Variants in KIAA1210 observed in about 807,000 individuals in gnomAD.
KIAA1210 encodes acrosomal protein KIAA1210.
KIAA1210 carries 48 observed loss-of-function variants against 78.9 expected under a neutral mutation model. The observed-to-expected ratio is 0.61, with a 90% CI of 0.48 to 0.77. KIAA1210 has a LOEUF of 0.77. KIAA1210 is among the 30% of genes least tolerant of loss of function. The pLI, the probability that KIAA1210 is intolerant of heterozygous loss-of-function variation, is 0.00. For missense variants in KIAA1210, 1,108 were observed against 1,100.0 expected, an observed-to-expected ratio of 1.01 and a Z score of -0.10; for synonymous variants, 406 against 404.5, an observed-to-expected ratio of 1.00 and a Z score of -0.04.
chrX:119,138,510 C>T (rs147669911), intron 2 of KIAA1210, among the ~76,000 whole-genome samples: 407 of 111,579 alleles, frequency 3.6e-3, no homozygotes, highest in Non-Finnish European at 5.7e-3. Flanking sequence ...TGAGCCACTG[C>T]GCCAGGCCGA....
chrX:119,079,777 G>C lies in KIAA1210; in HGVS notation c.*1552C>G, dbSNP rs1306781436. 1 of 111,482 alleles carries C rather than the reference G, an allele frequency of 9.0e-6. No homozygotes were observed. The highest frequency in any genetic ancestry group is 1.9e-5 in the Non-Finnish European group (1 of 53,111). The allele number at this position is 111,482 out of a possible 1,213,427, so 9.2% of individuals were successfully genotyped here. A position where few individuals can be genotyped will look rare whatever the true frequency, so the allele number is the denominator to read the frequency against. On this transcript the variant is annotated 3_prime_UTR_variant, in exon 12 of 12. Coordinates refer to ENST00000691062, the MANE Select transcript of KIAA1210 (RefSeq NM_001394962.1). Reference sequence around the variant, plus strand: ...GGATGAGTGGGTCACTGGAAGGTAGGGTCTCTCCAGCCTAGTAACTTTTGA... The same window carrying C: ...GGATGAGTGGGTCACTGGAAGGTAGCGTCTCTCCAGCCTAGTAACTTTTGA...
Position 119,114,020 on chromosome X carries a change from A to G in KIAA1210, c.230+2476T>C, listed in dbSNP as rs187970839. Reference sequence around the variant, plus strand: ...GGGAGGGGTAGCAATGTTTAAAAACAGATAAAATAAACTTTAAAATGTTTA... The same window carrying G: ...GGGAGGGGTAGCAATGTTTAAAAACGGATAAAATAAACTTTAAAATGTTTA... On this transcript the variant is annotated intron_variant, in intron 3 of 11. Coordinates refer to ENST00000691062, the MANE Select transcript of KIAA1210 (RefSeq NM_001394962.1). Among the ~76,000 whole-genome samples the G allele has an allele frequency of 4.0e-3, 452 of 112,020 alleles. 3 individuals carry two copies. The highest frequency in any genetic ancestry group is 0.018 in the Middle Eastern group (4 of 217).
At chrX:119,143,407 T>C (rs1022143771) in intron 2 of KIAA1210, among the ~76,000 whole-genome samples, 3 of 112,131 alleles carry the variant, frequency 2.7e-5, no homozygotes, top group Admixed American at 1.9e-4. Context: ...CCAGAAAGCC[T>C]CTCTCTGGGT....
intron 5 of KIAA1210, among the ~76,000 whole-genome samples, chrX:119,107,295 T>A (rs775177715): frequency 4.8e-4 from 54 of 112,587 alleles, no homozygotes; most frequent in East Asian, 8.3e-4. Flanking sequence ...ATAATTTTTT[T>A]AAAAAAATGG....
intron 6 of KIAA1210, among the ~76,000 whole-genome samples, chrX:119,100,245 G>T (rs1927692933): frequency 9.5e-6 from 1 of 105,015 alleles, no homozygotes; most frequent in African/African-American, 3.5e-5. Context: ...CAGGAGAGTT[G>T]CTTGAACCCG....
intron 1 of KIAA1210, among the ~76,000 whole-genome samples, chrX:119,125,734 TA>T (rs1224405005): frequency 6.3e-3 from 53 of 8,418 alleles, no homozygotes; most frequent in African/African-American, 6.7e-3. Flanking sequence ...TATATATATA[TA>T]TTTTTTTTTT....
At chrX:119,094,202 C>T in intron 7 of KIAA1210, 3 of 474,741 alleles carry the variant, frequency 6.3e-6, no homozygotes, top group Non-Finnish European at 1.1e-5. Flanking sequence ...TCCTTTTTGG[C>T]TTCTTTTCAG....
intron 2 of KIAA1210, among the ~76,000 whole-genome samples, chrX:119,142,411 G>A (rs1929067825): frequency 8.9e-6 from 1 of 111,937 alleles, no homozygotes; most frequent in Non-Finnish European, 1.9e-5. Context: ...ACCAGCATCT[G>A]CTTCTGGTGA....
intron 4 of KIAA1210, 129 bp from the exon 5 acceptor site, chrX:119,108,600 C>T (rs1034066407): frequency 6.1e-6 from 5 of 817,238 alleles, no homozygotes; most frequent in Admixed American, 4.0e-5. Context: ...CACGGTGGCT[C>T]GCGCATGTAA....
chrX:119,110,843 T>A (rs1307668716), intron 3 of KIAA1210, among the ~76,000 whole-genome samples: 2 of 111,112 alleles, frequency 1.8e-5, no homozygotes, highest in Non-Finnish European at 3.8e-5. Context: ...ATTGGAAGAC[T>A]TAAACTTGTT....
Position 119,088,484 on chromosome X carries a change from G to A in KIAA1210, c.2218C>T (p.Gln740Ter). 2 of 1,211,472 alleles carry A rather than the reference G, an allele frequency of 1.7e-6. No homozygotes were observed. The highest frequency in any genetic ancestry group is 1.7e-5 in the African/African-American group (1 of 57,816). Residue 740 changes from glutamine to a stop codon, truncating the protein, a stop_gained, in exon 9 of 12, where the codon CAG (glutamine) becomes TAG (stop). Coordinates refer to ENST00000691062, the MANE Select transcript of KIAA1210 (RefSeq NM_001394962.1). LOFTEE classifies it high-confidence loss of function. ...MQQLPSRCPSQPIMNPTVQQQ... is the reference protein window; with the variant it reads ...MQQLPSRCPS Reference sequence around the variant, plus strand: ...TGAACAGTAGGATTCATAATGGGCTGAGAAGGGCATCTGGAAGGCAGCTGC... The same window carrying A: ...TGAACAGTAGGATTCATAATGGGCTAAGAAGGGCATCTGGAAGGCAGCTGC...
intron 10 of KIAA1210, among the ~76,000 whole-genome samples, chrX:119,084,244 G>C (rs1927061520): frequency 9.0e-6 from 1 of 110,530 alleles, no homozygotes; most frequent in South Asian, 3.8e-4. Flanking sequence ...GGTTTGATAA[G>C]AGGGGAGAAA....
chrX:119,146,828 G>A (rs963433305), intron 2 of KIAA1210, among the ~76,000 whole-genome samples: 17 of 110,089 alleles, frequency 1.5e-4, no homozygotes, highest in African/African-American at 5.0e-4. Context: ...AGCAAAATGC[G>A]ACACCCAGAC....
At chrX:119,116,402 G>A in intron 3 of KIAA1210, 94 bp downstream of exon 3, 1 of 887,374 alleles carries the variant, frequency 1.1e-6, no homozygotes, top group South Asian at 2.5e-5. Flanking sequence ...GGGACTCTTG[G>A]TGTCCCTGGT....
chrX:119,088,045 T>G lies in KIAA1210; in HGVS notation c.2657A>C (p.Lys886Thr). ...AGAAGTACTCATTGAGTCCAGGAAC[T>G]TAGGCCTCTCCGAGGGCTGGGAAAG... Reference protein sequence around the residue: ...RCLSQPSERPKFLDSMSTSAE... With the variant: ...RCLSQPSERPTFLDSMSTSAE... Residue 886 changes from lysine (K) to threonine (T), a missense_variant, in exon 9 of 12, where the codon AAG becomes ACG. Around this residue, in one of 5 missense-constraint regions of KIAA1210, gnomAD observed 179 missense variants for 174.1 expected, o/e 1.03. Coordinates refer to ENST00000691062, the MANE Select transcript of KIAA1210 (RefSeq NM_001394962.1). 8.3e-7 allele frequency: 1 copy of G among 1,211,162 alleles called. No homozygotes were observed. Among genetic ancestry groups the G allele is most frequent in the South Asian group, 1.8e-5 (1 of 56,922 alleles).
rs953877207 is a variant in KIAA1210 at position 119,090,333 on chromosome X, G to A, written c.956-587C>T. ...ATACATCATACCAGGCTGCAGTGGCGCGATCTCGGCTCACTGCAACCTCTG... is the reference window on the plus strand; with the variant it reads ...ATACATCATACCAGGCTGCAGTGGCACGATCTCGGCTCACTGCAACCTCTG... On this transcript the variant is annotated intron_variant, in intron 8 of 11. Transcript: ENST00000691062. Among the ~76,000 whole-genome samples the A allele has an allele frequency of 9.0e-5, 10 of 111,024 alleles. No individual in the cohort carries two copies. In the East Asian group the frequency reaches 1.1e-3, roughly 13 times the overall value.
intron 2 of KIAA1210, chrX:119,147,362 C>T (rs1045782487): frequency 2.8e-4 from 253 of 899,346 alleles, no homozygotes; most frequent in Non-Finnish European, 3.7e-4. Flanking sequence ...ACACTGCTTC[C>T]AGGGTCATCA....
At chrX:119,105,847 T>C (rs1177699750) in intron 5 of KIAA1210, among the ~76,000 whole-genome samples, 2 of 112,128 alleles carry the variant, frequency 1.8e-5, no homozygotes, top group Non-Finnish European at 3.8e-5. Context: ...TTTGAGACAC[T>C]GGTCCCTGCC....
At chrX:119,131,949 C>T (rs1928804473), upstream of KIAA1210, among the ~76,000 whole-genome samples, 1 of 112,089 alleles carries the variant, frequency 8.9e-6, no homozygotes, top group Non-Finnish European at 1.9e-5. Flanking sequence ...TGGTGCACAC[C>T]TGTAGTCCCA....
Sources: gnomAD v4.1 joint callset for allele counts (sites outside exome capture counted in the v4.1 genomes callset) on GRCh38, gnomAD v4.1.1 for gene constraint, gnomAD v4.1.1 regional missense constraint, MANE v1.5 for transcripts, NCBI Gene and HGNC (gene_info 2026-07-23, HGNC 2026-07-21) for gene names.